The following ENTREP2 variants were observed in gnomAD, a reference collection of about 807,000 sequenced individuals.
ENTREP2 encodes the protein protein ENTREP2.
At chr15:29,369,211 A>C in the ENTREP2 span, among the ~76,000 whole-genome samples, 1 of 151,986 alleles carries the variant, frequency 6.6e-6, no homozygotes, top group Non-Finnish European at 1.5e-5. Context: ...GATGAAAGAC[A>C]ACAATCTACA....
the ENTREP2 span, among the ~76,000 whole-genome samples, chr15:29,381,101 C>T: frequency 2.1e-5 from 3 of 140,402 alleles, no homozygotes; most frequent in East Asian, 2.2e-4. Flanking sequence ...CTGCCCGCCT[C>T]GGCACCCCAA....
the ENTREP2 span, among the ~76,000 whole-genome samples, chr15:29,160,838 T>C: frequency 4.6e-5 from 7 of 152,112 alleles, no homozygotes; most frequent in Admixed American, 1.3e-4. Flanking sequence ...TCTTCTCTCT[T>C]TGAATAGGAG....
At chr15:29,120,062 C>T in the ENTREP2 span, among the ~76,000 whole-genome samples, 1 of 152,244 alleles carries the variant, frequency 6.6e-6, no homozygotes, top group South Asian at 2.1e-4. Flanking sequence ...TGTGTCCAGG[C>T]CCTGGCCCTC....
the ENTREP2 span, chr15:29,269,127 G>A: frequency 6.2e-7 from 1 of 1,614,170 alleles, no homozygotes; most frequent in African/African-American, 1.3e-5. Context: ...CAGTTTCCTT[G>A]ATGGTGTTGC....
chr15:29,321,877 C>A, the ENTREP2 span, among the ~76,000 whole-genome samples: 1 of 151,892 alleles, frequency 6.6e-6, no homozygotes. Context: ...GAATGCTGGG[C>A]TTAATACCTA....
the ENTREP2 span, among the ~76,000 whole-genome samples, chr15:29,488,223 G>T: frequency 6.6e-6 from 1 of 152,106 alleles, no homozygotes; most frequent in Non-Finnish European, 1.5e-5. Flanking sequence ...TTGAAATAAA[G>T]ATATAGAAAT....
the ENTREP2 span, among the ~76,000 whole-genome samples, chr15:29,472,528 A>T: frequency 2.0e-5 from 3 of 151,256 alleles, no homozygotes; most frequent in Non-Finnish European, 2.9e-5. Flanking sequence ...GCAATGGCGC[A>T]ATCTCGGCTC....
At chr15:29,426,249 T>C in the ENTREP2 span, among the ~76,000 whole-genome samples, 1 of 152,206 alleles carries the variant, frequency 6.6e-6, no homozygotes, top group African/African-American at 2.4e-5. Flanking sequence ...AAATCTTGCA[T>C]ACAGAAAGCC....
At chr15:29,428,444 A>C in the ENTREP2 span, among the ~76,000 whole-genome samples, 2 of 151,914 alleles carry the variant, frequency 1.3e-5, no homozygotes, top group African/African-American at 4.8e-5. Flanking sequence ...TGAACTCCTG[A>C]CCTCAGGTGA....
At chr15:29,326,923 C>G in the ENTREP2 span, among the ~76,000 whole-genome samples, 2 of 152,122 alleles carry the variant, frequency 1.3e-5, no homozygotes, top group Middle Eastern at 3.4e-3. Flanking sequence ...ATATAGTTAA[C>G]TGATCTTTGA....
the ENTREP2 span, among the ~76,000 whole-genome samples, chr15:29,567,266 C>T: frequency 0.02 from 3,052 of 152,250 alleles, 55 homozygotes; most frequent in Non-Finnish European, 0.032. Context: ...CTTGCCGAGT[C>T]CTCCCCTTTC....
At chr15:29,411,673 A>G in the ENTREP2 span, among the ~76,000 whole-genome samples, 2 of 152,320 alleles carry the variant, frequency 1.3e-5, no homozygotes, top group African/African-American at 4.8e-5. Context: ...AAATGTACTT[A>G]CCTTTCAAAC....
the ENTREP2 span, among the ~76,000 whole-genome samples, chr15:29,481,116 T>C: frequency 2.6e-5 from 4 of 152,128 alleles, no homozygotes; most frequent in Non-Finnish European, 5.9e-5. Context: ...TCACCCCCAG[T>C]GACATCAGAC....
At chr15:29,374,087 T>C in the ENTREP2 span, 1 of 152,068 alleles carries the variant, frequency 6.6e-6, no homozygotes, top group African/African-American at 2.4e-5. Flanking sequence ...ATGCATTTGC[T>C]AAATTCAAAA....
chr15:29,362,292 A>G, the ENTREP2 span, among the ~76,000 whole-genome samples: 1 of 152,122 alleles, frequency 6.6e-6, no homozygotes, highest in Non-Finnish European at 1.5e-5. Context: ...AGGTGAATTC[A>G]AGATGATGCA....
the ENTREP2 span, among the ~76,000 whole-genome samples, chr15:29,487,246 T>C: frequency 7.2e-5 from 11 of 152,144 alleles, no homozygotes; most frequent in African/African-American, 2.7e-4. Flanking sequence ...TAGACAGCCA[T>C]GTGAATGCCC....
At chr15:29,388,518 G>A in the ENTREP2 span, among the ~76,000 whole-genome samples, 1 of 152,174 alleles carries the variant, frequency 6.6e-6, no homozygotes, top group Non-Finnish European at 1.5e-5. Flanking sequence ...CACTGTTGTG[G>A]GACTGTAAAC....
the ENTREP2 span, among the ~76,000 whole-genome samples, chr15:29,616,928 C>T: frequency 6.6e-6 from 1 of 152,090 alleles, no homozygotes; most frequent in African/African-American, 2.4e-5. Flanking sequence ...GGTGTGGTGG[C>T]ACATGCCTGT....
the ENTREP2 span, among the ~76,000 whole-genome samples, chr15:29,158,930 CG>C: frequency 6.6e-6 from 1 of 152,082 alleles, no homozygotes; most frequent in African/African-American, 2.4e-5. Context: ...CTCCAGTCTA[CG>C]TAAGTTATGG....
Sources: gnomAD v4.1 joint callset for allele counts (sites outside exome capture counted in the v4.1 genomes callset) on GRCh38, gnomAD v4.1.1 for gene constraint, MANE v1.5 for transcripts, NCBI Gene and HGNC (gene_info 2026-07-23, HGNC 2026-07-21) for gene names.